STRIP2: variants seen among roughly 807,000 people sequenced by gnomAD.
STRIP2 encodes the protein striatin-interacting protein 2.
STRIP2 carries 84 observed loss-of-function variants against 107.1 expected under a neutral mutation model. The ratio of observed to expected loss-of-function variants is 0.78; its 90% CI spans 0.66 to 0.94. The LOEUF is 0.94. Among genes scored for constraint, STRIP2 ranks in the 40% least tolerant of loss-of-function variants. The pLI is 0.00. For synonymous variants in STRIP2, 394 were observed against 400.4 expected, an observed-to-expected ratio of 0.98 and a Z score of 0.19; for missense variants, 888 against 1,034.2, an observed-to-expected ratio of 0.86 and a Z score of 1.94.
intron 13 of STRIP2, 76 bp from the exon 14 acceptor site, chr7:129,462,890 C>A: frequency 3.5e-6 from 4 of 1,157,774 alleles, no homozygotes; most frequent in Non-Finnish European, 5.1e-6. Context: ...TTTCAGGTCA[C>A]CCCTCACAAC....
rs1584978694 is a variant in STRIP2, at chr7:129,486,098, G to C, written c.*269G>C. On this transcript the variant is annotated 3_prime_UTR_variant, in exon 21 of 21. Coordinates refer to ENST00000249344, the MANE Select transcript of STRIP2 (RefSeq NM_020704.3). ...AGGACCTTTTCCTGCTTTAGTCTTG[G>C]CTACAACCAGGCTAGACTTTGCTGG... The C allele has an allele frequency of 7.6e-6, 3 of 394,666 alleles. No homozygotes were observed. In the East Asian group the frequency reaches 1.4e-4, roughly 19 times the overall value. 24.4% of individuals were successfully genotyped at this position (394,666 alleles called of 1,614,324 possible).
intron 5 of STRIP2, 35 bp downstream of exon 5, chr7:129,453,382 A>AC: frequency 1.2e-6 from 2 of 1,612,298 alleles, no homozygotes; most frequent in Non-Finnish European, 1.7e-6. Flanking sequence ...GGCCTACATA[A>AC]CCCCCATTCC....
intron 19 of STRIP2, 102 bp from the exon 20 acceptor site, chr7:129,482,740 C>T (rs1294211055): frequency 1.2e-5 from 17 of 1,373,256 alleles, no homozygotes; most frequent in Non-Finnish European, 1.6e-5. Context: ...CTGAAAGCTC[C>T]CCAGGAATTT....
rs1224475823 is a variant in STRIP2 at position 129,482,373 on chromosome 7, A to T, written c.2050-469A>T. On this transcript the variant is annotated intron_variant, in intron 19 of 20. Coordinates refer to ENST00000249344, the MANE Select transcript of STRIP2 (RefSeq NM_020704.3). ...TCTCTCTCTATATATATATATATAT[A>T]TATATTTTTTTTTTTTTTTTTTGAG... 0.022 allele frequency among the ~76,000 whole-genome samples: 1,833 copies of T among 84,366 alleles called. 100 individuals are homozygous for T. The East Asian group carries it at 0.25, about 11-fold the overall frequency. The allele number at this position is 84,366 out of a possible 152,430, so 55.3% of individuals were successfully genotyped here. A position where few individuals can be genotyped will look rare whatever the true frequency, so the allele number is the denominator to read the frequency against.
chr7:129,484,035 C>G (rs774573580), intron 20 of STRIP2, among the ~76,000 whole-genome samples: 3 of 152,154 alleles, frequency 2.0e-5, no homozygotes, highest in South Asian at 4.1e-4. Context: ...TGTAAGCCAC[C>G]GTGCTTGGCC....
At chr7:129,447,854 A>G (rs1231257456) in intron 3 of STRIP2, among the ~76,000 whole-genome samples, 1 of 152,238 alleles carries the variant, frequency 6.6e-6, no homozygotes, top group Non-Finnish European at 1.5e-5. Context: ...ACATTCTCCA[A>G]GATTCATCTG....
chr7:129,463,151 C>A, intron 14 of STRIP2, 111 bp downstream of exon 14: 1 of 882,384 alleles, frequency 1.1e-6, no homozygotes, highest in Non-Finnish European at 1.7e-6. Flanking sequence ...TGAGCCTTTG[C>A]CCCTTTGGCA....
At chr7:129,456,757 G>C in intron 9 of STRIP2, 115 bp downstream of exon 9, 1 of 1,042,360 alleles carries the variant, frequency 9.6e-7, no homozygotes, top group Non-Finnish European at 1.4e-6. Flanking sequence ...ATCCTGCCCA[G>C]GTTGGCCCTA....
chr7:129,442,258 A>G (rs1297664299), intron 2 of STRIP2, among the ~76,000 whole-genome samples: 1 of 152,206 alleles, frequency 6.6e-6, no homozygotes, highest in African/African-American at 2.4e-5. Context: ...GCTAAAGATA[A>G]AATTGGGACA....
At chr7:129,467,969 G>A (rs531323821) in intron 17 of STRIP2, among the ~76,000 whole-genome samples, 1 of 152,234 alleles carries the variant, frequency 6.6e-6, no homozygotes, top group South Asian at 2.1e-4. Context: ...GTTGTTATAA[G>A]TTTTATTCTC....
intron 13 of STRIP2, 124 bp downstream of exon 13, chr7:129,460,496 A>G: frequency 1.2e-6 from 1 of 813,270 alleles, no homozygotes; most frequent in Non-Finnish European, 2.0e-6. Context: ...AGGCAAGACA[A>G]GGTCCCTACT....
intron 8 of STRIP2, among the ~76,000 whole-genome samples, chr7:129,456,064 C>T (rs1055746099): frequency 2.6e-5 from 4 of 151,710 alleles, no homozygotes; most frequent in Middle Eastern, 3.4e-3. Context: ...GGAACTGCCT[C>T]TTGACTGCAG....
chr7:129,473,807 TC>T, intron 18 of STRIP2, among the ~76,000 whole-genome samples: 1 of 152,294 alleles, frequency 6.6e-6, no homozygotes, highest in East Asian at 1.9e-4. Flanking sequence ...AACCTCTGCC[TC>T]CCGGGTTCAA....
At position 129,485,946 on chromosome 7, in the gene STRIP2, G is replaced by A. The variant is rs1383722775; in HGVS notation, c.*117G>A. The A allele has an allele frequency of 9.2e-6, 11 of 1,196,108 alleles. No individual in the cohort carries two copies. The highest frequency in any genetic ancestry group is 1.4e-5 in the South Asian group (1 of 70,176). 74.1% of individuals were successfully genotyped at this position (1,196,108 alleles called of 1,614,324 possible). On this transcript the variant is annotated 3_prime_UTR_variant, in exon 21 of 21. Coordinates refer to ENST00000249344, the MANE Select transcript of STRIP2 (RefSeq NM_020704.3). The stretch of plus-strand genomic sequence containing the variant: ...TCAGGGCTCTTCTGGGGGCTCTTGG[G>A]CCTAAAGATGGTGCAAGGGTGGGAT...
At position 129,485,601 on chromosome 7, in the gene STRIP2, C is replaced by A. The variant is rs149125659; in HGVS notation, c.2277C>A (p.Asp759Glu). Residue 759 changes from aspartate to glutamate, a missense_variant, in exon 21 of 21, where the codon GAC becomes GAA. Asp to Glu is a conservative substitution (Grantham distance 45). Coordinates refer to ENST00000249344, the MANE Select transcript of STRIP2 (RefSeq NM_020704.3). ...YGNDIDARPWDFQAEECTLRA... is the reference protein window; with the variant it reads ...YGNDIDARPWEFQAEECTLRA... ...CAGACATCGATGCCAGACCATGGGA[C>A]TTCCAAGCAGAAGAATGTACCTTGA... is the stretch of plus-strand genomic sequence containing the variant. The A allele has an allele frequency of 1.2e-6, 2 of 1,613,792 alleles. No homozygotes were observed. The highest frequency in any genetic ancestry group is 2.7e-5 in the African/African-American group (2 of 74,822).
At chr7:129,451,893 C>T (rs1798204698) in intron 4 of STRIP2, 146 bp downstream of exon 4, 1 of 942,966 alleles carries the variant, frequency 1.1e-6, no homozygotes, top group Non-Finnish European at 1.6e-6. Context: ...TAGGAGTAAC[C>T]TGTGCTTATG....
chr7:129,450,277 A>AAT (rs887644427), intron 3 of STRIP2, among the ~76,000 whole-genome samples: 13 of 152,156 alleles, frequency 8.5e-5, no homozygotes, highest in East Asian at 5.8e-4. Flanking sequence ...ACTAATAGGA[A>AAT]ATATATATAT....
At chr7:129,476,348 C>T (rs1798943074) in intron 18 of STRIP2, among the ~76,000 whole-genome samples, 1 of 146,636 alleles carries the variant, frequency 6.8e-6, no homozygotes, top group Admixed American at 6.7e-5. Flanking sequence ...GACGGGGCGG[C>T]TGCCGGGCGG....
intron 3 of STRIP2, among the ~76,000 whole-genome samples, chr7:129,447,096 T>G (rs1355978406): frequency 6.6e-6 from 1 of 152,212 alleles, no homozygotes; most frequent in Non-Finnish European, 1.5e-5. Context: ...CATCTGCCGC[T>G]GACACCTCAA....
Sources: allele counts gnomAD v4.1 joint callset (sites outside exome capture counted in the v4.1 genomes callset), GRCh38; gene constraint gnomAD v4.1.1; transcripts MANE v1.5; gene names NCBI Gene and HGNC (gene_info 2026-07-23, HGNC 2026-07-21).